The following PDE10A variants were observed in gnomAD, a reference collection of about 807,000 sequenced individuals.
PDE10A encodes phosphodiesterase 10A, also known as cAMP and cAMP-inhibited cGMP 3',5'-cyclic phosphodiesterase 10A.
PDE10A carries 39 observed loss-of-function variants against 97.7 expected under a neutral mutation model. The ratio of observed to expected loss-of-function variants is 0.40; its 90% CI spans 0.31 to 0.52. The LOEUF is 0.52. Ranked by LOEUF, PDE10A falls within the 20% of genes least tolerant of loss-of-function variation. The pLI is 0.56. For synonymous variants in PDE10A, 371 were observed against 376.8 expected (o/e 0.98, Z 0.18); for missense variants, 731 against 1,047.8 (o/e 0.70, Z 4.17).
intron 1 of PDE10A, among the ~76,000 whole-genome samples, chr6:165,621,252 A>G (rs12200612): frequency 0.1 from 15,891 of 152,080 alleles, 927 homozygotes; most frequent in Non-Finnish European, 0.13. Flanking sequence ...AACTAAAAAA[A>G]AAGGAATTAT....
intron 1 of PDE10A, among the ~76,000 whole-genome samples, chr6:165,656,700 G>C (rs1789986932): frequency 6.6e-6 from 1 of 152,068 alleles, no homozygotes; most frequent in South Asian, 2.1e-4. Flanking sequence ...CCTTTCCCTT[G>C]GCCTCAGAAG....
At chr6:165,510,162 C>T (rs1781428691) in intron 2 of PDE10A, among the ~76,000 whole-genome samples, 1 of 152,034 alleles carries the variant, frequency 6.6e-6, no homozygotes, top group South Asian at 2.1e-4. Context: ...CCAGGTCTTA[C>T]ATGAAATGCT....
intron 1 of PDE10A, among the ~76,000 whole-genome samples, chr6:165,774,253 TC>T (rs1778098316): frequency 6.6e-6 from 1 of 152,082 alleles, no homozygotes; most frequent in Non-Finnish European, 1.5e-5. Context: ...TCATTTTAAT[TC>T]CATTCTGAAA....
chr6:165,486,927 A>G (rs2128284465), intron 2 of PDE10A, among the ~76,000 whole-genome samples: 1 of 152,312 alleles, frequency 6.6e-6, no homozygotes, highest in South Asian at 2.1e-4. Context: ...GATTTCTGAC[A>G]TGTTTCAAAC....
chr6:165,757,390 T>C (rs1156834888), intron 1 of PDE10A, among the ~76,000 whole-genome samples: 1 of 152,192 alleles, frequency 6.6e-6, no homozygotes, highest in Non-Finnish European at 1.5e-5. Context: ...TTTTTTTTAG[T>C]CAAATATGTA....
At chr6:165,665,784 C>A (rs1286824359), upstream of PDE10A, among the ~76,000 whole-genome samples, 1 of 151,682 alleles carries the variant, frequency 6.6e-6, no homozygotes, top group African/African-American at 2.4e-5. Flanking sequence ...ATATAAAACA[C>A]TTGTCTGTGC....
intron 13 of PDE10A, among the ~76,000 whole-genome samples, chr6:165,411,524 G>A (rs2128226660): frequency 6.6e-6 from 1 of 152,240 alleles, no homozygotes; most frequent in African/African-American, 2.4e-5. Context: ...CCTTGATCTT[G>A]GACTTCCAGC....
intron 1 of PDE10A, among the ~76,000 whole-genome samples, chr6:165,836,957 C>A (rs1396654121): frequency 6.7e-6 from 1 of 149,550 alleles, no homozygotes; most frequent in East Asian, 2.0e-4. Flanking sequence ...AACAAAAAAA[C>A]CAAACACCGC....
At chr6:165,600,408 G>C (rs745947145) in intron 1 of PDE10A, among the ~76,000 whole-genome samples, 3 of 152,366 alleles carry the variant, frequency 2.0e-5, no homozygotes, top group South Asian at 2.1e-4. Context: ...CAATGAGAAA[G>C]TGGGTTGTCT....
intron 1 of PDE10A, among the ~76,000 whole-genome samples, chr6:165,579,739 C>A (rs772340750): frequency 3.3e-5 from 5 of 152,146 alleles, no homozygotes; most frequent in Admixed American, 2.0e-4. Context: ...TCTCACACAG[C>A]GAAGGCCAAA....
chr6:165,517,042 C>T (rs979281998), intron 2 of PDE10A, among the ~76,000 whole-genome samples: 11 of 152,108 alleles, frequency 7.2e-5, no homozygotes, highest in African/African-American at 2.7e-4. Flanking sequence ...AAACACATTA[C>T]AGTGCTTCTG....
chr6:165,474,992 A>G (rs891444462), intron 3 of PDE10A, among the ~76,000 whole-genome samples: 2 of 152,070 alleles, frequency 1.3e-5, no homozygotes, highest in African/African-American at 2.4e-5. Context: ...AGCTCTACAC[A>G]TGCACCCGCA....
chr6:165,804,339 G>C (rs781402538), intron 1 of PDE10A, among the ~76,000 whole-genome samples: 6 of 152,184 alleles, frequency 3.9e-5, no homozygotes, highest in Admixed American at 1.3e-4. Flanking sequence ...AGCTGCTACA[G>C]GAATGTGCTT....
At chr6:165,734,261 G>A (rs905007311) in intron 1 of PDE10A, among the ~76,000 whole-genome samples, 6 of 152,080 alleles carry the variant, frequency 3.9e-5, no homozygotes, top group African/African-American at 1.2e-4. Flanking sequence ...GGTGGGCTTC[G>A]GGGAGGTGAC....
At chr6:165,561,920 A>C (rs1240717585) in intron 1 of PDE10A, among the ~76,000 whole-genome samples, 1 of 152,246 alleles carries the variant, frequency 6.6e-6, no homozygotes, top group Admixed American at 6.5e-5. Context: ...ATTATTTATC[A>C]AATTCTAGTA....
chr6:165,874,578 A>G (rs900763897), intron 1 of PDE10A, among the ~76,000 whole-genome samples: 4 of 152,086 alleles, frequency 2.6e-5, no homozygotes, highest in African/African-American at 4.8e-5. Flanking sequence ...TTTTAAAATC[A>G]GTAAGCGTTA....
intron 3 of PDE10A, among the ~76,000 whole-genome samples, chr6:165,466,085 AC>A (rs1778633903): frequency 6.6e-6 from 1 of 152,236 alleles, no homozygotes. Flanking sequence ...CTGCAAATCA[AC>A]AAGGCACTAA....
chr6:165,559,031 G>C (rs1476043130), intron 1 of PDE10A, among the ~76,000 whole-genome samples: 1 of 152,054 alleles, frequency 6.6e-6, no homozygotes, highest in Non-Finnish European at 1.5e-5. Flanking sequence ...TTTAATACTG[G>C]CTAAGCCTAG....
At chr6:165,934,534 TA>T (rs1031835424) in intron 1 of PDE10A, among the ~76,000 whole-genome samples, 41 of 152,170 alleles carry the variant, frequency 2.7e-4, no homozygotes, top group Admixed American at 1.9e-3. Context: ...TCAGCCCCAT[TA>T]AAAAAATTAA....
Sources: allele counts gnomAD v4.1 joint callset (sites outside exome capture counted in the v4.1 genomes callset), GRCh38; gene constraint gnomAD v4.1.1; transcripts MANE v1.5; gene names NCBI Gene and HGNC (gene_info 2026-07-23, HGNC 2026-07-21).